The following FAM3C variants were observed in gnomAD, a reference collection of about 807,000 sequenced individuals.
FAM3C encodes the protein protein FAM3C.
A neutral mutation model predicts 32.5 loss-of-function variants in FAM3C; 15 were observed. That is an observed-to-expected ratio of 0.46 (90% CI 0.31 to 0.71). The LOEUF (loss-of-function observed/expected upper bound fraction) is 0.71. Ranked by LOEUF, FAM3C falls within the 30% of genes least tolerant of loss-of-function variation. The probability of loss-of-function intolerance (pLI) is 0.05; values close to 1 mark genes in which losing one functional copy is unlikely to be tolerated. For missense variants in FAM3C, 175 were observed against 274.4 expected (o/e 0.64, Z 2.56); for synonymous variants, 75 against 86.1 (o/e 0.87, Z 0.72).
intron 8 of FAM3C, among the ~76,000 whole-genome samples, chr7:121,355,002 C>A (rs1386252548): frequency 6.6e-6 from 1 of 152,128 alleles, no homozygotes; most frequent in Admixed American, 6.5e-5. Context: ...TTTAATACTA[C>A]TAACCAGGAA....
chr7:121,369,152 T>C (rs1794091357), intron 5 of FAM3C, among the ~76,000 whole-genome samples: 1 of 151,940 alleles, frequency 6.6e-6, no homozygotes, highest in South Asian at 2.1e-4. Context: ...CGGCTAACTT[T>C]TGTATTTTAG....
At chr7:121,394,991 T>C (rs1794656028) in intron 1 of FAM3C, among the ~76,000 whole-genome samples, 1 of 152,220 alleles carries the variant, frequency 6.6e-6, no homozygotes. Context: ...GCCTCTGCTA[T>C]CAGCATTGAC....
At chr7:121,388,978 G>C (rs1018580711) in intron 1 of FAM3C, among the ~76,000 whole-genome samples, 2 of 151,992 alleles carry the variant, frequency 1.3e-5, no homozygotes, top group Non-Finnish European at 2.9e-5. Context: ...AAAACACTTC[G>C]GAAAACTTCT....
At chr7:121,395,168 GATAC>G (rs1794658708) in intron 1 of FAM3C, among the ~76,000 whole-genome samples, 1 of 151,400 alleles carries the variant, frequency 6.6e-6, no homozygotes, top group South Asian at 2.1e-4. Context: ...TATATATATG[GATAC>G]ATACATATAT....
chr7:121,382,425 G>A (rs1028311757), intron 2 of FAM3C, among the ~76,000 whole-genome samples: 3 of 151,832 alleles, frequency 2.0e-5, no homozygotes, highest in Non-Finnish European at 2.9e-5. Flanking sequence ...ATACATATGA[G>A]ACATTTAAAC....
At chr7:121,374,509 T>C (rs908363508) in intron 3 of FAM3C, among the ~76,000 whole-genome samples, 2 of 152,198 alleles carry the variant, frequency 1.3e-5, no homozygotes, top group Non-Finnish European at 2.9e-5. Flanking sequence ...TTTAATCTTA[T>C]GGGTCCTTAA....
At position 121,371,441 on chromosome 7, in the gene FAM3C, T is replaced by C; in HGVS notation, c.149-18A>G. On this transcript the variant is annotated intron_variant, in intron 4 of 9. Transcript: ENST00000359943. ...CTTTGTAGCTTTGGGGGAGAAAACATGATGTCTTTTTTTAGAAAACAAGTT... is the reference window on the plus strand; with the variant it reads ...CTTTGTAGCTTTGGGGGAGAAAACACGATGTCTTTTTTTAGAAAACAAGTT... The C allele has an allele frequency of 6.2e-7, 1 of 1,611,464 alleles. No homozygotes were observed. The highest frequency in any genetic ancestry group is 1.1e-5 in the South Asian group (1 of 90,950).
At chr7:121,359,590 T>C (rs1476676827) in intron 8 of FAM3C, among the ~76,000 whole-genome samples, 1 of 151,932 alleles carries the variant, frequency 6.6e-6, no homozygotes, top group African/African-American at 2.4e-5. Flanking sequence ...ACATATACTA[T>C]TTTAAGAAAA....
chr7:121,374,177 A>G (rs908393203), intron 3 of FAM3C, among the ~76,000 whole-genome samples: 5 of 152,158 alleles, frequency 3.3e-5, no homozygotes, highest in African/African-American at 1.2e-4. Flanking sequence ...CCTGATTGTG[A>G]TAGTGTATTA....
At position 121,371,536 on chromosome 7, in the gene FAM3C, C is replaced by T. The variant is rs572532632; in HGVS notation, c.149-113G>A. 2.8e-5 allele frequency: 31 copies of T among 1,096,574 alleles called. No individual in the cohort carries two copies. The South Asian group carries it at 2.9e-4, about 10-fold the overall frequency. 67.9% of individuals were successfully genotyped at this position (1,096,574 alleles called of 1,614,324 possible). ...GCATTAAGAAAAACATCAAGATACA[C>T]GTATCTTAAAATACAAGCTAATTTG... On this transcript the variant is annotated intron_variant, in intron 4 of 9. Coordinates refer to ENST00000359943, the MANE Select transcript of FAM3C (RefSeq NM_014888.3).
intron 5 of FAM3C, among the ~76,000 whole-genome samples, chr7:121,366,452 C>T (rs1017370167): frequency 2.6e-5 from 4 of 152,042 alleles, no homozygotes; most frequent in Admixed American, 6.5e-5. Context: ...ATATTATATA[C>T]CACTTATATG....
At chr7:121,382,752 T>A (rs918183786) in intron 2 of FAM3C, among the ~76,000 whole-genome samples, 5 of 151,424 alleles carry the variant, frequency 3.3e-5, no homozygotes, top group Admixed American at 1.3e-4. Flanking sequence ...AACAAAAGAC[T>A]TGAACAAAAA....
chr7:121,358,400 G>A (rs1793852730), intron 8 of FAM3C, among the ~76,000 whole-genome samples: 1 of 151,934 alleles, frequency 6.6e-6, no homozygotes, highest in Non-Finnish European at 1.5e-5. Flanking sequence ...TATAAAGGAT[G>A]TTTTTTATCC....
intron 3 of FAM3C, among the ~76,000 whole-genome samples, chr7:121,376,238 A>C (rs900996401): frequency 6.6e-6 from 1 of 152,234 alleles, no homozygotes; most frequent in Non-Finnish European, 1.5e-5. Flanking sequence ...TGTGCTGAAA[A>C]ACAAACAAGT....
intron 2 of FAM3C, among the ~76,000 whole-genome samples, chr7:121,382,700 C>T (rs1316384606): frequency 6.6e-6 from 1 of 151,274 alleles, no homozygotes; most frequent in Non-Finnish European, 1.5e-5. Context: ...GATTTTGGAG[C>T]ATTTCAGATC....
intron 3 of FAM3C, among the ~76,000 whole-genome samples, chr7:121,376,621 A>G (rs1485708614): frequency 6.6e-6 from 1 of 152,196 alleles, no homozygotes; most frequent in Non-Finnish European, 1.5e-5. Flanking sequence ...TCTTTTGAGC[A>G]TCATGTCGAT....
chr7:121,376,101 G>C (rs1794233927), intron 3 of FAM3C, among the ~76,000 whole-genome samples: 1 of 152,144 alleles, frequency 6.6e-6, no homozygotes. Context: ...GCTGTGTTCT[G>C]AAAGGCCACC....
chr7:121,353,372 T>TA (rs1793745541), intron 8 of FAM3C, among the ~76,000 whole-genome samples: 1 of 152,190 alleles, frequency 6.6e-6, no homozygotes, highest in East Asian at 1.9e-4. Flanking sequence ...AGGAGAAACT[T>TA]AAAGATTGAG....
At chr7:121,383,295 T>C (rs1397627087) in intron 1 of FAM3C, among the ~76,000 whole-genome samples, 4 of 152,200 alleles carry the variant, frequency 2.6e-5, no homozygotes, top group Non-Finnish European at 5.9e-5. Flanking sequence ...CTTATTCTCA[T>C]GGATTATGCA....
Sources: gnomAD v4.1 joint callset for allele counts (sites outside exome capture counted in the v4.1 genomes callset) on GRCh38, gnomAD v4.1.1 for gene constraint, MANE v1.5 for transcripts, NCBI Gene and HGNC (gene_info 2026-07-23, HGNC 2026-07-21) for gene names.